TOP2A: variants seen among roughly 807,000 people sequenced by gnomAD.
TOP2A encodes the protein DNA topoisomerase 2-alpha.
A neutral mutation model predicts 187.2 loss-of-function variants in TOP2A; 68 were observed. The observed-to-expected ratio is 0.36, with a 90% CI of 0.30 to 0.44. The LOEUF is 0.44. Among genes scored for constraint, TOP2A ranks in the 20% least tolerant of loss-of-function variants. The pLI, the probability that TOP2A is intolerant of heterozygous loss-of-function variation, is 1.00. For missense variants in TOP2A, 1,196 were observed against 1,808.7 expected, an observed-to-expected ratio of 0.66 and a Z score of 6.14; for synonymous variants, 542 against 593.2, an observed-to-expected ratio of 0.91 and a Z score of 1.25.
chr17:40,406,794 C>A, intron 14 of TOP2A, 38 bp downstream of exon 14: 2 of 1,585,406 alleles, frequency 1.3e-6, no homozygotes, highest in Non-Finnish European at 1.7e-6. Flanking sequence ...GGAGTAGGGT[C>A]TTAAAATATC....
rs983418515 is a variant in TOP2A, at chr17:40,408,737, T to G, written c.1204-107A>C. 5 of 1,212,054 alleles carry G rather than the reference T, an allele frequency of 4.1e-6. No homozygotes were observed. In the Admixed American group the frequency reaches 9.3e-5, roughly 22 times the overall value. The allele number at this position is 1,212,054 out of a possible 1,614,324, so 75.1% of individuals were successfully genotyped here. A position where few individuals can be genotyped will look rare whatever the true frequency, so the allele number is the denominator to read the frequency against. On this transcript the variant is annotated intron_variant, in intron 10 of 34. Coordinates refer to ENST00000423485, the MANE Select transcript of TOP2A (RefSeq NM_001067.4). ...ATACAAATAAAAATGATTCAAAAAT[T>G]AAAAAGATGTAGAACAATAATTTCT...
chr17:40,392,860 A>AGACAGAT (rs2035043231), intron 29 of TOP2A, 123 bp from the exon 30 acceptor site: 2 of 822,544 alleles, frequency 2.4e-6, no homozygotes, highest in Admixed American at 5.1e-5. Flanking sequence ...TCGTGAAAAG[A>AGACAGAT]GACAGATATG....
intron 16 of TOP2A, among the ~76,000 whole-genome samples, chr17:40,405,206 G>A (rs1367028166): frequency 6.7e-6 from 1 of 150,124 alleles, no homozygotes; most frequent in Non-Finnish European, 1.5e-5. Context: ...TGTGGAATGT[G>A]ATGGCACGAT....
chr17:40,404,297 CG>C, intron 18 of TOP2A, 24 bp from the exon 19 acceptor site: 1 of 1,610,372 alleles, frequency 6.2e-7, no homozygotes. Flanking sequence ...TAAGAGCAAA[CG>C]TAAGTATCCT....
At chr17:40,417,556 G>C in intron 1 of TOP2A, 1 of 1,431,442 alleles carries the variant, frequency 7.0e-7, no homozygotes, top group Middle Eastern at 2.6e-4. Context: ...GGGCAACAAC[G>C]CACGACACCC....
In TOP2A at chr17:40,411,753, G is replaced by A; in HGVS notation, c.855C>T (p.Ser285=). ...TTACTTGTTCATGTATTACTTTCAA[G>A]GAGTTACCAGTTTCATCCAACTTGT... ...LKDKLDETGN[S]LKVIHEQVNH... The change falls in exon 8 of 35, where the codon TCC becomes TCT. Residue 285 remains serine (S), a synonymous_variant. Coordinates refer to ENST00000423485, the MANE Select transcript of TOP2A (RefSeq NM_001067.4). The surrounding 1 kb of genome is among the most constrained non-coding windows in gnomAD (Gnocchi z 4.4). 2.5e-6 allele frequency: 4 copies of A among 1,611,826 alleles called. No homozygotes were observed. The highest frequency in any genetic ancestry group is 3.4e-6 in the Non-Finnish European group (4 of 1,179,276).
intron 5 of TOP2A, 28 bp downstream of exon 5, chr17:40,413,452 A>C: frequency 6.7e-7 from 1 of 1,490,168 alleles, no homozygotes; most frequent in Non-Finnish European, 9.0e-7. Flanking sequence ...TTTAGCAACA[A>C]ATATGTTATT....
intron 10 of TOP2A, chr17:40,410,805 A>C: frequency 2.5e-6 from 1 of 402,440 alleles, no homozygotes; most frequent in Non-Finnish European, 4.7e-6. Flanking sequence ...TAACAAATTC[A>C]ATTTTGGATG....
chr17:40,405,555 C>T (rs1482842735), intron 16 of TOP2A, among the ~76,000 whole-genome samples: 4 of 138,714 alleles, frequency 2.9e-5, no homozygotes, highest in East Asian at 2.3e-4. Flanking sequence ...CCTGGGTTCA[C>T]GCCATTCTCC....
chr17:40,397,102 T>G (rs1176188756), intron 27 of TOP2A, among the ~76,000 whole-genome samples: 2 of 151,886 alleles, frequency 1.3e-5, no homozygotes, highest in Non-Finnish European at 2.9e-5. Context: ...CCAAGCTGGT[T>G]TTGAACTCCT....
chr17:40,389,074 A>G lies in TOP2A; in HGVS notation c.*445T>C. The G allele has an allele frequency of 4.6e-6, 1 of 219,762 alleles. No homozygotes were observed. Among genetic ancestry groups the G allele is most frequent in the Non-Finnish European group, 9.2e-6 (1 of 108,700 alleles). The allele number at this position is 219,762 out of a possible 1,614,324, so 13.6% of individuals were successfully genotyped here. ...ATAAAGTTCTATCTGATGGTAAATT[A>G]TGTATAAAACTAAGATAAAACAGAT... On this transcript the variant is annotated 3_prime_UTR_variant, in exon 35 of 35. Transcript: ENST00000423485.
At chr17:40,410,292 G>A (rs2035306651) in intron 10 of TOP2A, among the ~76,000 whole-genome samples, 1 of 152,160 alleles carries the variant, frequency 6.6e-6, no homozygotes, top group Non-Finnish European at 1.5e-5. Flanking sequence ...ATTAGCATGT[G>A]AATAAACTCT....
chr17:40,391,675 T>G, intron 32 of TOP2A, 35 bp from the exon 33 acceptor site: 1 of 1,521,992 alleles, frequency 6.6e-7, no homozygotes, highest in Admixed American at 2.4e-5. Flanking sequence ...ATAGTACATT[T>G]AAGCAACACA....
rs2143681748 is a variant in TOP2A at position 40,411,570 on chromosome 17, C to G, written c.963+75G>C. ...TAAGCTAGCCCAATATTCAAGTCCA[C>G]TTTATATATTAAAAACAATAAGAAC... On this transcript the variant is annotated intron_variant, in intron 8 of 34. Transcript: ENST00000423485. The surrounding 1 kb of genome is among the most constrained non-coding windows in gnomAD (Gnocchi z 4.4). The G allele has an allele frequency of 6.4e-7, 1 of 1,556,752 alleles. No individual in the cohort carries two copies. The highest frequency in any genetic ancestry group is 8.8e-7 in the Non-Finnish European group (1 of 1,134,298).
At chr17:40,409,477 A>G (rs1363801184) in intron 10 of TOP2A, 4 of 449,048 alleles carry the variant, frequency 8.9e-6, no homozygotes, top group Non-Finnish European at 1.8e-5. Flanking sequence ...AGACAGACAT[A>G]GCTGGGTGCA....
rs1396316312 is a variant in TOP2A, at chr17:40,398,861, C to T, written c.3365G>A (p.Gly1122Glu). Residue 1122 changes from glycine (G) to glutamate (E), a missense_variant, in exon 26 of 35, where the codon GGA (glycine) becomes GAA (glutamate). Physicochemically the swap from Gly to Glu is moderately conservative, Grantham distance 98 (BLOSUM62 -2). Transcript: ENST00000423485. Reference sequence around the variant, plus strand: ...ATCAAGAAGATAGTTGAAGGTTGGTCCAGAATCTGTTACGGAGTCACTCTT... The same window carrying T: ...ATCAAGAAGATAGTTGAAGGTTGGTTCAGAATCTGTTACGGAGTCACTCTT... ...TEKSDSVTDSGPTFNYLLDMP... is the reference protein window; with the variant it reads ...TEKSDSVTDSEPTFNYLLDMP... 6.2e-7 allele frequency: 1 copy of T among 1,613,726 alleles called. No individual in the cohort carries two copies. The highest frequency in any genetic ancestry group is 1.3e-5 in the African/African-American group (1 of 74,918).
chr17:40,390,195 T>G, intron 33 of TOP2A, 31 bp from the exon 34 acceptor site: 1 of 1,573,372 alleles, frequency 6.4e-7, no homozygotes, highest in Non-Finnish European at 8.6e-7. Context: ...TTGTCACAGC[T>G]GCTCTTTTTT....
chr17:40,399,825 T>G, intron 24 of TOP2A, 47 bp downstream of exon 24: 1 of 1,494,194 alleles, frequency 6.7e-7, no homozygotes, highest in Non-Finnish European at 8.9e-7. Flanking sequence ...AAAGAAAGTT[T>G]GGCGTAACTA....
chr17:40,407,997 TATTTTTCCTCTAAGAGGGAAAACCCC>T lies in TOP2A; in HGVS notation c.1444_1469del (p.Gly482ThrfsTer9). 1 of 1,613,136 alleles carries T rather than the reference TATTTTTCCTCTAAGAGGGAAAACCCC, an allele frequency of 6.2e-7. No individual in the cohort carries two copies. The highest frequency in any genetic ancestry group is 8.5e-7 in the Non-Finnish European group (1 of 1,179,546). ...TATGAGAAGCTTCTCGAACATTGAG[TATTTTTCCTCTAAGAGGGAAAACCCC>T]ATATTTGTCTCTCCCAACCACACCA... On this transcript the variant is annotated frameshift_variant, in exon 12 of 35. Transcript: ENST00000423485. LOFTEE classifies it high-confidence loss of function.
Sources: allele counts gnomAD v4.1 joint callset (sites outside exome capture counted in the v4.1 genomes callset), GRCh38; gene constraint gnomAD v4.1.1; non-coding constraint Gnocchi (gnomAD v3.1); transcripts MANE v1.5; gene names NCBI Gene and HGNC (gene_info 2026-07-23, HGNC 2026-07-21).